ARID4A: variants seen among roughly 807,000 people sequenced by gnomAD.
ARID4A encodes AT-rich interactive domain-containing protein 4A.
ARID4A carries 39 observed loss-of-function variants against 148.6 expected under a neutral mutation model. The ratio of observed to expected loss-of-function variants is 0.26; its 90% CI spans 0.20 to 0.34. The LOEUF is 0.34. Ranked by LOEUF, ARID4A falls within the 10% of genes least tolerant of loss-of-function variation. ARID4A has a pLI of 1.00. For missense variants in ARID4A, 1,265 were observed against 1,449.1 expected, an observed-to-expected ratio of 0.87 and a Z score of 2.06; for synonymous variants, 475 against 481.2, an observed-to-expected ratio of 0.99 and a Z score of 0.17.
At chr14:58,310,079 A>G (rs550821305) in intron 5 of ARID4A, among the ~76,000 whole-genome samples, 1 of 152,352 alleles carries the variant, frequency 6.6e-6, no homozygotes, top group South Asian at 2.1e-4. Context: ...TAAACAAAAA[A>G]AAGTGTTTAA....
At chr14:58,313,315 G>A (rs567926597) in intron 5 of ARID4A, among the ~76,000 whole-genome samples, 2 of 152,174 alleles carry the variant, frequency 1.3e-5, no homozygotes, top group Admixed American at 6.5e-5. Flanking sequence ...GGATGGTTTC[G>A]GGATGAAACT....
intron 11 of ARID4A, among the ~76,000 whole-genome samples, chr14:58,335,479 A>G (rs533680856): frequency 2.6e-5 from 4 of 151,746 alleles, no homozygotes; most frequent in Admixed American, 6.6e-5. Flanking sequence ...ATGCCTGGCT[A>G]ATTTTGTATT....
At chr14:58,362,603 G>A (rs1200097121) in intron 19 of ARID4A, among the ~76,000 whole-genome samples, 7 of 151,852 alleles carry the variant, frequency 4.6e-5, no homozygotes, top group Non-Finnish European at 7.4e-5. Context: ...TGTTGCCCAG[G>A]CTGGAGTATA....
intron 18 of ARID4A, among the ~76,000 whole-genome samples, chr14:58,360,130 G>A (rs1249863679): frequency 6.6e-6 from 1 of 151,920 alleles, no homozygotes; most frequent in Non-Finnish European, 1.5e-5. Flanking sequence ...TAACCCAGGA[G>A]CTTAAAACTA....
intron 5 of ARID4A, among the ~76,000 whole-genome samples, chr14:58,306,660 T>C (rs1004076264): frequency 6.6e-6 from 1 of 152,154 alleles, no homozygotes; most frequent in Non-Finnish European, 1.5e-5. Flanking sequence ...GGTGGATCAC[T>C]TGAGGTCAGA....
chr14:58,349,490 C>CA (rs111454525), intron 15 of ARID4A, among the ~76,000 whole-genome samples: 2,707 of 139,770 alleles, frequency 0.019, 80 homozygotes, highest in African/African-American at 0.064. Context: ...ACTAAAAATA[C>CA]AAAAAAAAAA....
chr14:58,307,525 T>G (rs1042497378), intron 5 of ARID4A, among the ~76,000 whole-genome samples: 8 of 152,194 alleles, frequency 5.3e-5, no homozygotes. Flanking sequence ...TTGTTAAATT[T>G]TAAAAACTAA....
At chr14:58,317,327 G>C (rs1382181304) in intron 5 of ARID4A, among the ~76,000 whole-genome samples, 2 of 140,142 alleles carry the variant, frequency 1.4e-5, no homozygotes, top group Non-Finnish European at 3.1e-5. Flanking sequence ...CTCTGTCGTA[G>C]AGGCTGGAGT....
intron 5 of ARID4A, among the ~76,000 whole-genome samples, chr14:58,311,190 G>A (rs1409056039): frequency 6.6e-6 from 1 of 152,178 alleles, no homozygotes; most frequent in Non-Finnish European, 1.5e-5. Context: ...AGGCTGCAGT[G>A]AGCCAAGATC....
chr14:58,329,166 G>A (rs892485998), intron 9 of ARID4A, among the ~76,000 whole-genome samples: 1 of 152,038 alleles, frequency 6.6e-6, no homozygotes, highest in African/African-American at 2.4e-5. Context: ...TAGTAAATGT[G>A]CTTTTTTACT....
chr14:58,323,570 G>C lies in ARID4A; in HGVS notation c.535G>C (p.Val179Leu), dbSNP rs767920033. 1 of 1,614,048 alleles carries C rather than the reference G, an allele frequency of 6.2e-7. No individual in the cohort carries two copies. The highest frequency in any genetic ancestry group is 8.5e-7 in the Non-Finnish European group (1 of 1,180,030). Residue 179 changes from valine (V) to leucine (L), a missense_variant, in exon 8 of 24, where the codon GTA (valine) becomes CTA (leucine). Val to Leu is a conservative substitution (Grantham distance 32). This residue lies in a region of ARID4A where 249 missense variants were observed against 277.2 expected (regional missense o/e 0.90). Transcript: ENST00000355431. Reference sequence around the variant, plus strand: ...CAATGATGAATTACTAGGAAAAGTTGTAAGTGTGGTGTCTGCAACGGAGAG... The same window carrying C: ...CAATGATGAATTACTAGGAAAAGTTCTAAGTGTGGTGTCTGCAACGGAGAG... ...RLNDELLGKVVSVVSATERTE... is the reference protein window; with the variant it reads ...RLNDELLGKVLSVVSATERTE...
intron 8 of ARID4A, among the ~76,000 whole-genome samples, chr14:58,326,863 G>A (rs2033244039): frequency 6.6e-6 from 1 of 152,094 alleles, no homozygotes. Context: ...ATACTATTAT[G>A]TGCCTAGTGG....
intron 18 of ARID4A, 148 bp from the exon 19 acceptor site, chr14:58,360,753 C>A: frequency 1.2e-6 from 1 of 813,070 alleles, no homozygotes; most frequent in Non-Finnish European, 1.9e-6. Context: ...AGCCAGAAAA[C>A]TCTTCTTGAT....
chr14:58,371,954 C>G lies in ARID4A; in HGVS notation c.3739C>G (p.Pro1247Ala), dbSNP rs750070120. The change falls in exon 24 of 24, where the codon CCC becomes GCC. Residue 1247 changes from proline (P) to alanine (A), a missense_variant. Around this residue, in one of 9 missense-constraint regions of ARID4A, gnomAD observed 666 missense variants for 730.9 expected, o/e 0.91. Transcript: ENST00000355431. Reference protein sequence around the residue: ...DTGMSPSSSSPPQNVLAVECR With the variant: ...DTGMSPSSSSAPQNVLAVECR ...TGGAATGAGTCCCTCATCATCATCT[C>G]CCCCACAAAATGTACTTGCTGTAGA... 1.4e-5 allele frequency: 23 copies of G among 1,611,758 alleles called. No individual in the cohort carries two copies. Among genetic ancestry groups the G allele is most frequent in the Non-Finnish European group, 1.8e-5 (21 of 1,178,044 alleles).
Position 58,306,050 on chromosome 14 carries a change from C to G in ARID4A, c.212C>G (p.Ser71Cys), listed in dbSNP as rs777588429. ...RVGAIVETRT[S>C]DGSFQEAIIS... ...GGAGCTATTGTTGAAACAAGGACAT[C>G]TGATGGATCTTTTCAGGAAGCTATT... Residue 71 changes from serine to cysteine, a missense_variant, in exon 5 of 24, where the codon TCT becomes TGT. Around this residue, in one of 9 missense-constraint regions of ARID4A, gnomAD observed 59 missense variants for 49.8 expected, o/e 1.18. Coordinates refer to ENST00000355431, the MANE Select transcript of ARID4A (RefSeq NM_002892.4). 1.2e-6 allele frequency: 2 copies of G among 1,613,664 alleles called. No homozygotes were observed. Among genetic ancestry groups the G allele is most frequent in the Non-Finnish European group, 1.7e-6 (2 of 1,179,750 alleles).
intron 18 of ARID4A, among the ~76,000 whole-genome samples, chr14:58,360,226 A>G (rs1452303988): frequency 6.6e-6 from 1 of 152,202 alleles, no homozygotes; most frequent in Non-Finnish European, 1.5e-5. Flanking sequence ...TAGAGGCTTT[A>G]TAGGAGAAGG....
intron 15 of ARID4A, among the ~76,000 whole-genome samples, chr14:58,350,578 TA>T (rs2034590602): frequency 1.3e-5 from 2 of 152,332 alleles, no homozygotes; most frequent in South Asian, 4.1e-4. Flanking sequence ...TTTAAAAATG[TA>T]ATCATCCACA....
At position 58,346,515 on chromosome 14, in the gene ARID4A, A is replaced by G; in HGVS notation, c.1074+10A>G. ...GGGTGGATGTGACAATGTAAGTATA[A>G]CATTGCTTTTTGAAACATGTATTGA... On this transcript the variant is annotated intron_variant, in intron 13 of 23. Transcript: ENST00000355431. 6.3e-7 allele frequency: 1 copy of G among 1,578,594 alleles called. No individual in the cohort carries two copies. Among genetic ancestry groups the G allele is most frequent in the Admixed American group, 1.7e-5 (1 of 58,564 alleles).
At position 58,306,116 on chromosome 14, in the gene ARID4A, A is replaced by C; in HGVS notation, c.274+4A>C. On this transcript the variant is annotated splice_donor_region_variant and intron_variant, in intron 5 of 23. Transcript: ENST00000355431. ...GATGCTAGTTGGTATACCGTGGGTA[A>C]GTAATTAAGTAATTTAACACAGATT... 1 of 1,595,080 alleles carries C rather than the reference A, an allele frequency of 6.3e-7. No homozygotes were observed. The highest frequency in any genetic ancestry group is 8.6e-7 in the Non-Finnish European group (1 of 1,163,126).
Sources: gnomAD v4.1 joint callset for allele counts (sites outside exome capture counted in the v4.1 genomes callset) on GRCh38, gnomAD v4.1.1 for gene constraint, gnomAD v4.1.1 regional missense constraint, MANE v1.5 for transcripts, NCBI Gene and HGNC (gene_info 2026-07-23, HGNC 2026-07-21) for gene names.